The following ADCK2 variants were observed in gnomAD, a reference collection of about 807,000 sequenced individuals.
ADCK2 encodes uncharacterized aarF domain-containing protein kinase 2.
A neutral mutation model predicts 52.3 loss-of-function variants in ADCK2; 37 were observed. The ratio of observed to expected loss-of-function variants is 0.71; its 90% CI spans 0.54 to 0.93. ADCK2 has a LOEUF of 0.93. Among genes scored for constraint, ADCK2 ranks in the 40% least tolerant of loss-of-function variants. ADCK2 has a pLI of 0.00. For missense variants in ADCK2, 695 were observed against 798.7 expected (o/e 0.87, Z 1.56); for synonymous variants, 321 against 349.2 (o/e 0.92, Z 0.90).
chr7:140,688,932 T>TCCA (rs1794655472), intron 5 of ADCK2, among the ~76,000 whole-genome samples: 2 of 152,082 alleles, frequency 1.3e-5, no homozygotes, highest in African/African-American at 2.4e-5. Context: ...AGAAAAACAC[T>TCCA]GGGAAAAAGA....
chr7:140,683,320 G>C (rs1794550322), intron 4 of ADCK2, among the ~76,000 whole-genome samples: 4 of 152,224 alleles, frequency 2.6e-5, no homozygotes, highest in Admixed American at 2.6e-4. Flanking sequence ...AAGAGACATA[G>C]GAGGTTTTTA....
In ADCK2 at chr7:140,687,236, G is replaced by A. The variant is rs1249629273; in HGVS notation, c.1552G>A (p.Gly518Arg). 2 of 1,561,606 alleles carry A rather than the reference G, an allele frequency of 1.3e-6. No individual in the cohort carries two copies. Among genetic ancestry groups the A allele is most frequent in the Admixed American group, 3.8e-5 (2 of 53,102 alleles). The change falls in exon 5 of 8, where the codon GGG (glycine) becomes AGG (arginine). Residue 518 changes from glycine (G) to arginine (R), a missense_variant. By Grantham distance (125) the Gly-to-Arg change is moderately radical (BLOSUM62 -2). Transcript: ENST00000072869. ...GGCAGTTTTCATGGCTGTGGTGATG[G>A]GGCAGGTGAGACGCACTGGGACCAC... Reference protein sequence around the residue: ...FRAVFMAVVMGQGQRVAELIL... With the variant: ...FRAVFMAVVMRQGQRVAELIL...
rs1563204981 is a variant in ADCK2 at position 140,673,600 on chromosome 7, G to C, written c.270G>C (p.Leu90=). The C allele has an allele frequency of 6.2e-7, 1 of 1,607,606 alleles. No individual in the cohort carries two copies. The highest frequency in any genetic ancestry group is 1.1e-5 in the South Asian group (1 of 91,042). ...PAESLPRAGP[L]GGVFLHLRLW... ...AGAGCCTCCCCCGAGCGGGACCTCT[G>C]GGCGGCGTCTTCCTGCATCTCCGCC... Residue 90 remains leucine (L), a synonymous_variant, in exon 1 of 8, where the codon CTG becomes CTC. Coordinates refer to ENST00000072869, the MANE Select transcript of ADCK2 (RefSeq NM_052853.4). The surrounding 1 kb of genome is among the most constrained non-coding windows in gnomAD (Gnocchi z 6.4).
rs759406238 is a variant in ADCK2, at chr7:140,690,782, C to G, written c.1709C>G (p.Ser570Cys). 5.0e-6 allele frequency: 8 copies of G among 1,613,584 alleles called. No individual in the cohort carries two copies. Among genetic ancestry groups the G allele is most frequent in the Non-Finnish European group, 6.8e-6 (8 of 1,179,922 alleles). The change falls in exon 7 of 8, where the codon TCT becomes TGT. Residue 570 changes from serine (S) to cysteine (C), a missense_variant. Coordinates refer to ENST00000072869, the MANE Select transcript of ADCK2 (RefSeq NM_052853.4). ...LEKLHVSSLL[S>C]SVFKLLMTHK... ...CAGCTTCATGTGTCCAGCCTTCTCTCTAGTGTCTTTAAGTTGCTGATGACT... is the reference window on the plus strand; with the variant it reads ...CAGCTTCATGTGTCCAGCCTTCTCTGTAGTGTCTTTAAGTTGCTGATGACT...
At chr7:140,686,229 C>T (rs1194518035) in intron 4 of ADCK2, among the ~76,000 whole-genome samples, 10 of 152,152 alleles carry the variant, frequency 6.6e-5, no homozygotes, top group Non-Finnish European at 1.3e-4. Flanking sequence ...AAAAATAAGG[C>T]ATTTCAAATG....
rs1277803330 is a variant in ADCK2, at chr7:140,673,140, G to GC, written c.-191_-190insC. The GC allele has an allele frequency of 4.5e-5, 14 of 310,874 alleles. No homozygotes were observed. Among genetic ancestry groups the GC allele is most frequent in the Non-Finnish European group, 7.0e-5 (12 of 172,170 alleles). The allele number at this position is 310,874 out of a possible 1,614,324, so 19.3% of individuals were successfully genotyped here. A position where few individuals can be genotyped will look rare whatever the true frequency, so the allele number is the denominator to read the frequency against. On this transcript the variant is annotated 5_prime_UTR_variant, in exon 1 of 8. Transcript: ENST00000072869. This position sits in a 1 kb window ranked among gnomAD's most constrained non-coding sequence, Gnocchi z 6.4. ...TCCGCGCGGCGCGGCGCGGCGCGGC[G>GC]GGTGTCGGGCGGGGCGCGGGCCTCC...
At chr7:140,680,222 T>G (rs1794493356) in intron 3 of ADCK2, among the ~76,000 whole-genome samples, 1 of 151,848 alleles carries the variant, frequency 6.6e-6, no homozygotes, top group East Asian at 1.9e-4. Flanking sequence ...CTCGGCTCAC[T>G]GCAGCCTCCA....
In ADCK2 at chr7:140,674,520, C is replaced by G. The variant is rs780303877; in HGVS notation, c.934-91C>G. The G allele has an allele frequency of 2.0e-6, 3 of 1,472,320 alleles. No homozygotes were observed. Among genetic ancestry groups the G allele is most frequent in the Non-Finnish European group, 2.7e-6 (3 of 1,096,596 alleles). The allele number at this position is 1,472,320 out of a possible 1,614,324, so 91.2% of individuals were successfully genotyped here. ...CCTCTTTTCTTTGATAAGAAGCCAC[C>G]TGGCTCTTGCTTGGATGGTGGGACC... is the stretch of plus-strand genomic sequence containing the variant. On this transcript the variant is annotated intron_variant, in intron 1 of 7. Coordinates refer to ENST00000072869, the MANE Select transcript of ADCK2 (RefSeq NM_052853.4). This position sits in a 1 kb window ranked among gnomAD's most constrained non-coding sequence, Gnocchi z 4.6.
intron 7 of ADCK2, 76 bp from the exon 8 acceptor site, chr7:140,694,587 A>G: frequency 7.0e-7 from 1 of 1,438,744 alleles, no homozygotes; most frequent in Non-Finnish European, 9.6e-7. Flanking sequence ...GAGAGTGGAC[A>G]GCAAGGTGAT....
rs374591339 is a variant in ADCK2, at chr7:140,694,974, G to A, written c.*171G>A. On this transcript the variant is annotated 3_prime_UTR_variant, in exon 8 of 8. Transcript: ENST00000072869. The stretch of plus-strand genomic sequence containing the variant: ...GCTTGGTTTGAGGGTCTGTTCAAAA[G>A]CTTTGGGCCAATTAGGGAGTAAAAG... 1 of 1,359,028 alleles carries A rather than the reference G, an allele frequency of 7.4e-7. No individual in the cohort carries two copies. 84.2% of individuals were successfully genotyped at this position (1,359,028 alleles called of 1,614,324 possible). A position where few individuals can be genotyped will look rare whatever the true frequency, so the allele number is the denominator to read the frequency against.
chr7:140,675,267 G>T (rs1794380207), intron 2 of ADCK2, among the ~76,000 whole-genome samples: 1 of 152,036 alleles, frequency 6.6e-6, no homozygotes, highest in Non-Finnish European at 1.5e-5. Context: ...AAAAAACAAA[G>T]TTCTATGCAG....
At chr7:140,684,384 A>G (rs183352820) in intron 4 of ADCK2, among the ~76,000 whole-genome samples, 37 of 152,292 alleles carry the variant, frequency 2.4e-4, no homozygotes, top group Admixed American at 9.2e-4. Context: ...CTTCGTTGGC[A>G]GTAATCGTGA....
chr7:140,679,804 C>G (rs914119889), intron 3 of ADCK2, among the ~76,000 whole-genome samples: 1 of 151,208 alleles, frequency 6.6e-6, no homozygotes, highest in African/African-American at 2.4e-5. Flanking sequence ...TCCCAAGTAG[C>G]TGCGATTACA....
At chr7:140,689,125 G>A (rs1461813080) in intron 5 of ADCK2, among the ~76,000 whole-genome samples, 1 of 151,774 alleles carries the variant, frequency 6.6e-6, no homozygotes, top group African/African-American at 2.4e-5. Flanking sequence ...CCACCACCAT[G>A]CCCGGCTAAT....
At chr7:140,677,264 C>T (rs1019367877) in intron 2 of ADCK2, among the ~76,000 whole-genome samples, 8 of 151,800 alleles carry the variant, frequency 5.3e-5, no homozygotes, top group Non-Finnish European at 1.0e-4. Flanking sequence ...AAAAATTAGC[C>T]GGGCATGGTG....
chr7:140,673,637 G>T lies in ADCK2; in HGVS notation c.307G>T (p.Ala103Ser). 1 of 1,609,846 alleles carries T rather than the reference G, an allele frequency of 6.2e-7. No individual in the cohort carries two copies. The change falls in exon 1 of 8, where the codon GCC (alanine) becomes TCC (serine). Residue 103 changes from alanine to serine, a missense_variant. Transcript: ENST00000072869. The surrounding 1 kb of genome is among the most constrained non-coding windows in gnomAD (Gnocchi z 6.4). ...CCTGCATCTCCGCCTCTGGCTTCGC[G>T]CCGGCGCTCTGTTGGTGAAATTCTT... is the stretch of plus-strand genomic sequence containing the variant. ...VFLHLRLWLR[A>S]GALLVKFFPL...
chr7:140,675,325 A>G (rs1482356973), intron 2 of ADCK2, among the ~76,000 whole-genome samples: 1 of 152,200 alleles, frequency 6.6e-6, no homozygotes, highest in African/African-American at 2.4e-5. Context: ...TATTTTAAAA[A>G]CAGAGACAGG....
Position 140,673,122 on chromosome 7 carries a change from G to GGCGCT in ADCK2, c.-205_-204insTGCGC, listed in dbSNP as rs1328195287. The GGCGCT allele has an allele frequency of 3.3e-6, 1 of 306,690 alleles. No homozygotes were observed. The highest frequency in any genetic ancestry group is 2.3e-5 in the African/African-American group (1 of 43,512). The allele number at this position is 306,690 out of a possible 1,614,324, so 19.0% of individuals were successfully genotyped here. On this transcript the variant is annotated 5_prime_UTR_variant, in exon 1 of 8. Coordinates refer to ENST00000072869, the MANE Select transcript of ADCK2 (RefSeq NM_052853.4). This position sits in a 1 kb window ranked among gnomAD's most constrained non-coding sequence, Gnocchi z 6.4. The stretch of plus-strand genomic sequence containing the variant: ...TGCCGTCTGACAGCCCCTTCCGCGC[G>GGCGCT]GCGCGGCGCGGCGCGGCGGGTGTCG...
In ADCK2 at chr7:140,673,892, C is replaced by T. The variant is rs1801681975; in HGVS notation, c.562C>T (p.Gln188Ter). 3.7e-6 allele frequency: 6 copies of T among 1,613,898 alleles called. No homozygotes were observed. Among genetic ancestry groups the T allele is most frequent in the African/African-American group, 1.3e-5 (1 of 74,952 alleles). The change falls in exon 1 of 8, where the codon CAG (glutamine) becomes TAG (stop). Residue 188 changes from glutamine (Q) to a stop codon, truncating the protein, a stop_gained. Transcript: ENST00000072869. LOFTEE classifies it high-confidence loss of function. The surrounding 1 kb of genome is among the most constrained non-coding windows in gnomAD (Gnocchi z 6.4). Reference sequence around the variant, plus strand: ...GACTCACACTGAGCGCTTCCTTCGGCAGGCTTTTGGGGATGACTGGGGGAG... The same window carrying T: ...GACTCACACTGAGCGCTTCCTTCGGTAGGCTTTTGGGGATGACTGGGGGAG... ...PWTHTERFLR[Q>*]AFGDDWGSIL... is the part of the protein sequence containing the mutation.
Sources: allele counts gnomAD v4.1 joint callset (sites outside exome capture counted in the v4.1 genomes callset), GRCh38; gene constraint gnomAD v4.1.1; non-coding constraint Gnocchi (gnomAD v3.1); transcripts MANE v1.5; gene names NCBI Gene and HGNC (gene_info 2026-07-23, HGNC 2026-07-21).